TSPAN5: variants seen among roughly 807,000 people sequenced by gnomAD.
The protein encoded by TSPAN5 is tetraspanin 5.
A neutral mutation model predicts 37.1 loss-of-function variants in TSPAN5; 10 were observed. That is an observed-to-expected ratio of 0.27 (90% CI 0.17 to 0.46). The LOEUF is 0.46. Ranked by LOEUF, TSPAN5 falls within the 20% of genes least tolerant of loss-of-function variation. The pLI is 1.00. For synonymous variants in TSPAN5, 110 were observed against 118.9 expected, an observed-to-expected ratio of 0.93 and a Z score of 0.48; for missense variants, 195 against 326.6, an observed-to-expected ratio of 0.60 and a Z score of 3.11.
intron 1 of TSPAN5, among the ~76,000 whole-genome samples, chr4:98,565,399 G>A (rs948365128): frequency 6.6e-6 from 1 of 151,232 alleles, no homozygotes; most frequent in Non-Finnish European, 1.5e-5. Context: ...AATTTTGCAT[G>A]AGAGCTTTTG....
At chr4:98,508,381 C>T (rs190153172) in intron 1 of TSPAN5, among the ~76,000 whole-genome samples, 9 of 152,282 alleles carry the variant, frequency 5.9e-5, no homozygotes, top group South Asian at 2.1e-4. Flanking sequence ...GACTGAGTTA[C>T]GCATTCAGCC....
intron 1 of TSPAN5, among the ~76,000 whole-genome samples, chr4:98,633,086 C>T (rs1420790221): frequency 6.6e-6 from 1 of 151,986 alleles, no homozygotes; most frequent in Non-Finnish European, 1.5e-5. Context: ...AAAGGGAGAG[C>T]TGAAAAGGTA....
intron 1 of TSPAN5, among the ~76,000 whole-genome samples, chr4:98,614,522 C>T (rs1364097883): frequency 6.6e-6 from 1 of 152,206 alleles, no homozygotes; most frequent in Non-Finnish European, 1.5e-5. Flanking sequence ...AAACCCAGCT[C>T]AGCAGGGCCT....
At chr4:98,579,536 ATTAAGT>A (rs1287230428) in intron 1 of TSPAN5, among the ~76,000 whole-genome samples, 22 of 152,162 alleles carry the variant, frequency 1.4e-4, no homozygotes, top group African/African-American at 5.1e-4. Context: ...TCTGCTTTCT[ATTAAGT>A]TTGACTATTT....
chr4:98,569,923 C>G (rs1322602061), intron 1 of TSPAN5, among the ~76,000 whole-genome samples: 2 of 152,090 alleles, frequency 1.3e-5, no homozygotes, highest in Non-Finnish European at 2.9e-5. Context: ...CACTAGGGAC[C>G]CCTGCCTTCA....
intron 1 of TSPAN5, among the ~76,000 whole-genome samples, chr4:98,586,788 A>C (rs1375981549): frequency 6.6e-6 from 1 of 152,234 alleles, no homozygotes; most frequent in Non-Finnish European, 1.5e-5. Flanking sequence ...TCTTACAGAT[A>C]ACACACAATA....
rs368691013 is a variant in TSPAN5, at chr4:98,490,202, G to C, written c.133-3318C>G. On this transcript the variant is annotated intron_variant, in intron 2 of 7. Transcript: ENST00000305798. ...CCCATGATCCATGGTTGTACATAAA[G>C]AGCTCAGTGGGTAACAAAGACGATG... Among the ~76,000 whole-genome samples the C allele has an allele frequency of 3.9e-5, 6 of 152,142 alleles. No homozygotes were observed. In the East Asian group the frequency reaches 9.7e-4, roughly 25 times the overall value.
intron 1 of TSPAN5, among the ~76,000 whole-genome samples, chr4:98,582,361 T>C (rs1426984504): frequency 6.6e-6 from 1 of 152,170 alleles, no homozygotes; most frequent in Non-Finnish European, 1.5e-5. Flanking sequence ...CTGACCAGGA[T>C]GCTGAGCCTT....
At chr4:98,586,604 C>G (rs1379360327) in intron 1 of TSPAN5, among the ~76,000 whole-genome samples, 1 of 152,224 alleles carries the variant, frequency 6.6e-6, no homozygotes, top group Non-Finnish European at 1.5e-5. Flanking sequence ...GGGGCTTTTA[C>G]AGCAGACATA....
intron 1 of TSPAN5, among the ~76,000 whole-genome samples, chr4:98,562,201 A>T (rs1380541461): frequency 6.6e-6 from 1 of 152,208 alleles, no homozygotes; most frequent in Admixed American, 6.5e-5. Flanking sequence ...CTGATGGGAA[A>T]CAGTAAGGCC....
chr4:98,479,551 T>C (rs1382724777), intron 4 of TSPAN5, among the ~76,000 whole-genome samples: 1 of 152,142 alleles, frequency 6.6e-6, no homozygotes, highest in Non-Finnish European at 1.5e-5. Flanking sequence ...AATGCGACCT[T>C]TGTGGAGAGC....
intron 1 of TSPAN5, among the ~76,000 whole-genome samples, chr4:98,511,794 C>A (rs555895327): frequency 6.6e-6 from 1 of 152,028 alleles, no homozygotes. Context: ...CTATGGAAAA[C>A]GTAAACTACA....
chr4:98,517,526 A>C (rs1374889031), intron 1 of TSPAN5, among the ~76,000 whole-genome samples: 1 of 152,058 alleles, frequency 6.6e-6, no homozygotes, highest in Admixed American at 6.6e-5. Flanking sequence ...CTACACCAGG[A>C]GAAGGCCAGG....
At chr4:98,651,406 G>T (rs1757182504) in intron 1 of TSPAN5, among the ~76,000 whole-genome samples, 1 of 152,198 alleles carries the variant, frequency 6.6e-6, no homozygotes, top group Non-Finnish European at 1.5e-5. Context: ...AACATTATGG[G>T]AGCAACTGGG....
At chr4:98,495,607 T>A (rs1420182858) in intron 2 of TSPAN5, among the ~76,000 whole-genome samples, 2 of 151,782 alleles carry the variant, frequency 1.3e-5, no homozygotes, top group Non-Finnish European at 2.9e-5. Context: ...TTCAGCTGTC[T>A]CTGGAATTTA....
intron 1 of TSPAN5, among the ~76,000 whole-genome samples, chr4:98,630,000 C>T (rs930925845): frequency 2.0e-5 from 3 of 152,188 alleles, no homozygotes; most frequent in African/African-American, 4.8e-5. Context: ...TGAAAATACT[C>T]GACTAACCAA....
At chr4:98,634,983 C>T (rs919980391) in intron 1 of TSPAN5, among the ~76,000 whole-genome samples, 14 of 152,170 alleles carry the variant, frequency 9.2e-5, no homozygotes, top group African/African-American at 3.1e-4. Context: ...AGACCACAGC[C>T]TTTCAGGGTG....
intron 1 of TSPAN5, among the ~76,000 whole-genome samples, chr4:98,579,332 A>C (rs1755317099): frequency 1.3e-5 from 2 of 152,214 alleles, no homozygotes; most frequent in South Asian, 4.1e-4. Flanking sequence ...ACCTATGCCC[A>C]AGTGCAGCAT....
chr4:98,479,232 CT>C (rs1024291319), intron 4 of TSPAN5, among the ~76,000 whole-genome samples: 2 of 152,198 alleles, frequency 1.3e-5, no homozygotes, highest in African/African-American at 4.8e-5. Context: ...CTATAGCTTA[CT>C]TTTTCAAAGT....
Sources: gnomAD v4.1 joint callset for allele counts (sites outside exome capture counted in the v4.1 genomes callset) on GRCh38, gnomAD v4.1.1 for gene constraint, MANE v1.5 for transcripts, NCBI Gene and HGNC (gene_info 2026-07-23, HGNC 2026-07-21) for gene names.